WDR4: variants seen among roughly 807,000 people sequenced by gnomAD.
The protein encoded by WDR4 is tRNA (guanine-N(7)-)-methyltransferase non-catalytic subunit WDR4.
WDR4 carries 47 observed loss-of-function variants against 48.6 expected under a neutral mutation model. The observed-to-expected ratio is 0.97, with a 90% CI of 0.77 to 1.23. The LOEUF (loss-of-function observed/expected upper bound fraction) is 1.23. Ranked by LOEUF, WDR4 falls within the 50% of genes most tolerant of loss-of-function variation. The pLI is 0.00. For synonymous variants in WDR4, 268 were observed against 230.0 expected (o/e 1.17, Z -1.49); for missense variants, 606 against 551.6 (o/e 1.10, Z -0.99).
rs1025140077 is a variant in WDR4, at chr21:42,862,525, G to A, written c.454-131C>T. ...ATGAGGCCTTCGAGGACAGACCAGC[G>A]TGGCTCCTCCCCTCCTCCCGTCCCT... On this transcript the variant is annotated intron_variant, in intron 4 of 10. Transcript: ENST00000398208. The surrounding 1 kb of genome is among the most constrained non-coding windows in gnomAD (Gnocchi z 4.3). The A allele has an allele frequency of 7.8e-6, 6 of 765,586 alleles. No individual in the cohort carries two copies. The highest frequency in any genetic ancestry group is 2.5e-5 in the Admixed American group (1 of 40,444). 47.4% of individuals were successfully genotyped at this position (765,586 alleles called of 1,614,324 possible).
chr21:42,873,494 A>C, intron 3 of WDR4, 57 bp downstream of exon 3: 1 of 1,602,502 alleles, frequency 6.2e-7, no homozygotes, highest in Non-Finnish European at 8.5e-7. Context: ...TGCTACAGGC[A>C]TGCAAGGATA....
In WDR4 at chr21:42,872,481, T is replaced by C. The variant is rs375205308; in HGVS notation, c.296+1070A>G. Among the ~76,000 whole-genome samples, 405 of 151,274 alleles carry C rather than the reference T, an allele frequency of 2.7e-3. 4 individuals are homozygous for C. The highest frequency in any genetic ancestry group is 9.2e-3 in the African/African-American group (378 of 41,212). On this transcript the variant is annotated intron_variant, in intron 3 of 10. Transcript: ENST00000398208. ...CAAAAATTAGTCAGGCATGGTGGTG[T>C]GCACCTATAGTCCCAGCTACTCGAG...
rs1226231901 is a variant in WDR4 at position 42,858,559 on chromosome 21, T to C, written c.627+1103A>G. 7.2e-5 allele frequency among the ~76,000 whole-genome samples: 11 copies of C among 152,314 alleles called. No individual in the cohort carries two copies. The East Asian group carries it at 2.1e-3, about 29-fold the overall frequency. On this transcript the variant is annotated intron_variant, in intron 6 of 10. Transcript: ENST00000398208. ...AAAACACTGACCCTCCTCGCGCCTT[T>C]TGGCAGCTACCAGATGACGTGTTCC...
intron 2 of WDR4, among the ~76,000 whole-genome samples, chr21:42,874,754 C>T (rs2058451499): frequency 6.6e-6 from 1 of 152,154 alleles, no homozygotes; most frequent in East Asian, 1.9e-4. Flanking sequence ...CGGTTACTCT[C>T]AAACCCTGTC....
intron 1 of WDR4, 53 bp from the exon 2 acceptor site, chr21:42,876,820 CA>C: frequency 7.1e-7 from 1 of 1,400,124 alleles, no homozygotes; most frequent in Non-Finnish European, 9.7e-7. Flanking sequence ...AGAGAAATAA[CA>C]AATTTTTTTT....
intron 1 of WDR4, among the ~76,000 whole-genome samples, chr21:42,878,293 T>A: frequency 6.6e-6 from 1 of 152,046 alleles, no homozygotes. Flanking sequence ...TTAAAGCGAG[T>A]GCACCAAAAA....
chr21:42,865,817 A>G (rs2058232889), intron 3 of WDR4, among the ~76,000 whole-genome samples: 1 of 152,004 alleles, frequency 6.6e-6, no homozygotes, highest in Non-Finnish European at 1.5e-5. Flanking sequence ...AGCAGAACCT[A>G]GCAAGTAACC....
chr21:42,856,792 C>T (rs544416088), intron 6 of WDR4, among the ~76,000 whole-genome samples: 7 of 152,028 alleles, frequency 4.6e-5, no homozygotes, highest in African/African-American at 1.2e-4. Context: ...CACATACACA[C>T]GCACACACAC....
chr21:42,876,666 TA>T (rs369632883), intron 2 of WDR4, 35 bp downstream of exon 2: 3 of 1,599,770 alleles, frequency 1.9e-6, no homozygotes, highest in African/African-American at 2.7e-5. Flanking sequence ...ATCGAACCAT[TA>T]AAGCAGGCCC....
chr21:42,868,663 C>T (rs1007958848), intron 3 of WDR4, among the ~76,000 whole-genome samples: 3 of 152,222 alleles, frequency 2.0e-5, no homozygotes, highest in Non-Finnish European at 4.4e-5. Context: ...CACAGGCAGC[C>T]TAAGTACGTG....
At chr21:42,848,509 G>A (rs375779026), downstream of WDR4, among the ~76,000 whole-genome samples, 10 of 46,658 alleles carry the variant, frequency 2.1e-4, no homozygotes, top group South Asian at 7.4e-4. Flanking sequence ...ATCACACGGC[G>A]CGCACCTCAC....
At chr21:42,857,362 G>A (rs1388156137) in intron 6 of WDR4, among the ~76,000 whole-genome samples, 2 of 151,332 alleles carry the variant, frequency 1.3e-5, no homozygotes, top group Non-Finnish European at 3.0e-5. Context: ...GAGTCCACAG[G>A]CAAGGGGCTG....
At chr21:42,886,183 C>T in the WDR4 span, among the ~76,000 whole-genome samples, 1 of 152,148 alleles carries the variant, frequency 6.6e-6, no homozygotes, top group African/African-American at 2.4e-5. Context: ...TCTCGAACTC[C>T]TGACGTCAGG....
chr21:42,877,665 T>A (rs190381262), intron 1 of WDR4, among the ~76,000 whole-genome samples: 48 of 151,946 alleles, frequency 3.2e-4, no homozygotes, highest in African/African-American at 1.1e-3. Flanking sequence ...GAAAAAAAAG[T>A]TCAGTAAAAC....
chr21:42,859,867 T>C (rs181722972), intron 5 of WDR4, 145 bp from the exon 6 acceptor site: 8 of 840,950 alleles, frequency 9.5e-6, no homozygotes, highest in African/African-American at 8.6e-5. Context: ...ACATGGGAAG[T>C]AGCTGTTAAC....
At chr21:42,878,615 A>G (rs1468075390) in intron 1 of WDR4, among the ~76,000 whole-genome samples, 5 of 152,208 alleles carry the variant, frequency 3.3e-5, no homozygotes, top group Non-Finnish European at 5.9e-5. Context: ...TAACCTGGGA[A>G]AGGAAACGAG....
chr21:42,890,894 C>T, the WDR4 span, among the ~76,000 whole-genome samples: 1 of 152,210 alleles, frequency 6.6e-6, no homozygotes, highest in Non-Finnish European at 1.5e-5. Context: ...TTTGGCCAAA[C>T]ACAGTTTAGG....
upstream of WDR4, among the ~76,000 whole-genome samples, chr21:42,883,022 G>A (rs1485688898): frequency 2.0e-5 from 3 of 151,070 alleles, no homozygotes; most frequent in Non-Finnish European, 2.9e-5. Flanking sequence ...CCGCTTGAAC[G>A]TGGGAGGTGG....
In WDR4 at chr21:42,850,175, G is replaced by A; in HGVS notation, c.1113C>T (p.Tyr371=). 1.2e-6 allele frequency: 2 copies of A among 1,614,034 alleles called. No individual in the cohort carries two copies. The highest frequency in any genetic ancestry group is 1.7e-6 in the Non-Finnish European group (2 of 1,179,966). ...YKATFDNVTS[Y]LKKKEERLQQ... ...GCAGTCTCTCCTCTTTCTTCTTCAG[G>A]TAGGAGGTCACGTTGTCGAACGTGG... is the stretch of plus-strand genomic sequence containing the variant. The change falls in exon 11 of 11, where the codon TAC becomes TAT. Residue 371 remains tyrosine, a synonymous_variant. Transcript: ENST00000398208.
Sources: allele counts gnomAD v4.1 joint callset (sites outside exome capture counted in the v4.1 genomes callset), GRCh38; gene constraint gnomAD v4.1.1; non-coding constraint Gnocchi (gnomAD v3.1); transcripts MANE v1.5; gene names NCBI Gene and HGNC (gene_info 2026-07-23, HGNC 2026-07-21).